CNTN5: variants seen among roughly 807,000 people sequenced by gnomAD.
The protein encoded by CNTN5 is contactin-5.
A neutral mutation model predicts 129.1 loss-of-function variants in CNTN5; 77 were observed. The ratio of observed to expected loss-of-function variants is 0.60; its 90% CI spans 0.50 to 0.72. CNTN5 has a LOEUF of 0.72. Among genes scored for constraint, CNTN5 ranks in the 30% least tolerant of loss-of-function variants. The pLI is 0.00. For missense variants in CNTN5, 1,478 were observed against 1,328.8 expected, an observed-to-expected ratio of 1.11 and a Z score of -1.75; for synonymous variants, 509 against 465.6, an observed-to-expected ratio of 1.09 and a Z score of -1.20.
At chr11:99,819,791 AG>A in intron 4 of CNTN5, 26 bp downstream of exon 4, 1 of 1,451,338 alleles carries the variant, frequency 6.9e-7, no homozygotes, top group African/African-American at 1.4e-5. Flanking sequence ...AAATGGCTCC[AG>A]ATAGAATAAA....
At chr11:99,687,285 T>A (rs537692453) in intron 3 of CNTN5, among the ~76,000 whole-genome samples, 3 of 152,228 alleles carry the variant, frequency 2.0e-5, no homozygotes, top group Admixed American at 6.5e-5. Flanking sequence ...AATATTATAT[T>A]AACAAGGTCA....
At chr11:99,281,318 A>G (rs1218277920) in intron 1 of CNTN5, among the ~76,000 whole-genome samples, 1 of 151,988 alleles carries the variant, frequency 6.6e-6, no homozygotes, top group Non-Finnish European at 1.5e-5. Context: ...AGAAATCCTC[A>G]TATAAATACC....
intron 1 of CNTN5, among the ~76,000 whole-genome samples, chr11:99,209,526 A>T (rs1859659240): frequency 6.6e-6 from 1 of 152,138 alleles, no homozygotes; most frequent in Non-Finnish European, 1.5e-5. Context: ...GATGACACTA[A>T]GTCATTCATG....
At chr11:99,592,617 C>T (rs1263767014) in intron 3 of CNTN5, among the ~76,000 whole-genome samples, 5 of 150,654 alleles carry the variant, frequency 3.3e-5, no homozygotes, top group African/African-American at 9.8e-5. Context: ...TCTGTTGAAG[C>T]GTTCAAAAAA....
intron 3 of CNTN5, among the ~76,000 whole-genome samples, chr11:99,675,696 T>A (rs528302894): frequency 2.6e-4 from 39 of 152,044 alleles, no homozygotes; most frequent in African/African-American, 9.2e-4. Context: ...AAATAAAAAA[T>A]TAAAATAGAA....
intron 8 of CNTN5, among the ~76,000 whole-genome samples, chr11:99,992,531 G>T (rs1202327504): frequency 6.6e-6 from 1 of 152,086 alleles, no homozygotes; most frequent in Admixed American, 6.6e-5. Context: ...TTTTTTTAAT[G>T]TTCATAAAAT....
chr11:99,950,443 T>C (rs1285111162), intron 7 of CNTN5, among the ~76,000 whole-genome samples: 1 of 152,232 alleles, frequency 6.6e-6, no homozygotes, highest in Non-Finnish European at 1.5e-5. Context: ...ATTGTGCTAC[T>C]GCACTCCAGC....
chr11:99,762,942 C>G (rs1944632812), intron 3 of CNTN5, among the ~76,000 whole-genome samples: 1 of 152,040 alleles, frequency 6.6e-6, no homozygotes, highest in Admixed American at 6.6e-5. Flanking sequence ...CATGCATTCC[C>G]CATTGAGTCT....
chr11:100,272,623 C>T (rs1950427255), intron 18 of CNTN5, among the ~76,000 whole-genome samples: 1 of 152,062 alleles, frequency 6.6e-6, no homozygotes, highest in Non-Finnish European at 1.5e-5. Context: ...TAGAGTGCTC[C>T]TAACAGATCT....
chr11:100,343,130 A>ATGTT (rs1565441140), intron 23 of CNTN5, among the ~76,000 whole-genome samples: 10 of 152,198 alleles, frequency 6.6e-5, no homozygotes, highest in Non-Finnish European at 1.2e-4. Flanking sequence ...GATCGTTAAA[A>ATGTT]GTTGCCTGCC....
intron 13 of CNTN5, among the ~76,000 whole-genome samples, chr11:100,076,872 T>C (rs1261739370): frequency 6.6e-6 from 1 of 152,086 alleles, no homozygotes; most frequent in Non-Finnish European, 1.5e-5. Context: ...CTTGTTACCA[T>C]ATCTGGCAGC....
At chr11:99,407,510 A>C (rs1338603778) in intron 2 of CNTN5, among the ~76,000 whole-genome samples, 1 of 152,142 alleles carries the variant, frequency 6.6e-6, no homozygotes, top group Admixed American at 6.6e-5. Flanking sequence ...TGAGCTGTGC[A>C]GTTTGAGGTT....
chr11:99,804,494 A>G (rs1390388878), intron 3 of CNTN5, among the ~76,000 whole-genome samples: 4 of 151,820 alleles, frequency 2.6e-5, no homozygotes, highest in Non-Finnish European at 4.4e-5. Flanking sequence ...TAGTTCACCT[A>G]AAGCCATGAG....
chr11:99,055,779 C>T (rs556903536), intron 1 of CNTN5, among the ~76,000 whole-genome samples: 2 of 152,070 alleles, frequency 1.3e-5, no homozygotes, highest in South Asian at 4.1e-4. Context: ...TCCATTCTAA[C>T]TTATTGTCAG....
chr11:99,845,284 T>G, intron 6 of CNTN5, 22 bp downstream of exon 6: 1 of 1,520,522 alleles, frequency 6.6e-7, no homozygotes, highest in Non-Finnish European at 9.0e-7. Flanking sequence ...ATATGATTTT[T>G]CTATATATAT....
chr11:99,842,909 G>C (rs1947559561), intron 4 of CNTN5, among the ~76,000 whole-genome samples: 1 of 152,022 alleles, frequency 6.6e-6, no homozygotes, highest in African/African-American at 2.4e-5. Flanking sequence ...TGGTTATTTT[G>C]GTGTAGTATT....
intron 2 of CNTN5, among the ~76,000 whole-genome samples, chr11:99,415,369 A>G (rs1269301358): frequency 4.6e-5 from 7 of 152,162 alleles, no homozygotes; most frequent in Non-Finnish European, 7.3e-5. Context: ...AAGAAAACCC[A>G]GCAAGGCTTG....
At chr11:100,290,185 G>C (rs2138857902) in intron 18 of CNTN5, among the ~76,000 whole-genome samples, 1 of 151,662 alleles carries the variant, frequency 6.6e-6, no homozygotes, top group South Asian at 2.1e-4. Flanking sequence ...TACTGCCCAA[G>C]GTAATTTACA....
intron 2 of CNTN5, among the ~76,000 whole-genome samples, chr11:99,432,631 C>G (rs1336956966): frequency 1.3e-5 from 2 of 151,318 alleles, no homozygotes; most frequent in African/African-American, 4.9e-5. Flanking sequence ...GAGAGCAGTT[C>G]AGGGCAAGTG....
Sources: gnomAD v4.1 joint callset for allele counts (sites outside exome capture counted in the v4.1 genomes callset) on GRCh38, gnomAD v4.1.1 for gene constraint, MANE v1.5 for transcripts, NCBI Gene and HGNC (gene_info 2026-07-23, HGNC 2026-07-21) for gene names.